GON4L: variants seen among roughly 807,000 people sequenced by gnomAD.
GON4L encodes GON-4-like protein.
Under a neutral mutation model 211.8 loss-of-function variants are expected in GON4L, and 87 were observed. The observed-to-expected ratio is 0.41, with a 90% CI of 0.35 to 0.49. The LOEUF (loss-of-function observed/expected upper bound fraction) is 0.49. Among genes scored for constraint, GON4L ranks in the 20% least tolerant of loss-of-function variants. The pLI is 0.15. For synonymous variants in GON4L, 875 were observed against 962.6 expected, an observed-to-expected ratio of 0.91 and a Z score of 1.68; for missense variants, 2,155 against 2,659.5, an observed-to-expected ratio of 0.81 and a Z score of 4.17.
chr1:155,761,180 T>A (rs1661758244), intron 23 of GON4L, among the ~76,000 whole-genome samples: 1 of 145,994 alleles, frequency 6.8e-6, no homozygotes, highest in African/African-American at 2.6e-5. Flanking sequence ...GTGTGGTTTT[T>A]TTTTTTTTTT....
At chr1:155,751,931 C>T (rs746038727) in intron 30 of GON4L, 29 bp downstream of exon 30, 1 of 1,612,620 alleles carries the variant, frequency 6.2e-7, no homozygotes. Context: ...ATGCTCTTTT[C>T]CAAACACACG....
intron 3 of GON4L, among the ~76,000 whole-genome samples, chr1:155,824,610 G>A (rs1669020234): frequency 6.6e-6 from 1 of 151,234 alleles, no homozygotes; most frequent in South Asian, 2.1e-4. Flanking sequence ...GAGGAGTGGT[G>A]GAGCGCACCT....
intron 6 of GON4L, 69 bp from the exon 7 acceptor site, chr1:155,816,331 C>A (rs1668234916): frequency 6.4e-6 from 5 of 775,364 alleles, no homozygotes; most frequent in Non-Finnish European, 1.1e-5. Context: ...TTTACTTCCT[C>A]TGTACCATCA....
intron 16 of GON4L, among the ~76,000 whole-genome samples, chr1:155,775,589 G>C (rs1293636546): frequency 6.6e-6 from 1 of 151,680 alleles, no homozygotes; most frequent in Non-Finnish European, 1.5e-5. Flanking sequence ...CGAGTAGCTG[G>C]GATTAATTAC....
At chr1:155,823,215 C>T (rs1236261870) in intron 3 of GON4L, among the ~76,000 whole-genome samples, 1 of 152,204 alleles carries the variant, frequency 6.6e-6, no homozygotes, top group Non-Finnish European at 1.5e-5. Context: ...AGGTGTGAGC[C>T]ACCGTACCTG....
intron 27 of GON4L, chr1:155,756,695 C>T (rs952140097): frequency 2.3e-5 from 9 of 386,412 alleles, no homozygotes; most frequent in East Asian, 1.1e-4. Context: ...GAGGCCGAGG[C>T]GGGTGGATCA....
intron 29 of GON4L, 81 bp downstream of exon 29, chr1:155,753,123 T>TA: frequency 9.3e-7 from 1 of 1,070,404 alleles, no homozygotes. Context: ...AGGCTATTTA[T>TA]CCAGGCTCAT....
rs566549510 is a variant in GON4L at position 155,814,407 on chromosome 1, G to A, written c.1204C>T (p.Arg402Cys). 29 of 1,612,888 alleles carry A rather than the reference G, an allele frequency of 1.8e-5. No individual in the cohort carries two copies. Among genetic ancestry groups the A allele is most frequent in the Middle Eastern group, 1.6e-4 (1 of 6,062 alleles). ...SDVESTASSP[R>C]GAKKSRLRQS... ...CTCAATCTGGATTTCTTTGCCCCAC[G>A]TGGAGATGAAGCAGTGCTTTCAACA... Residue 402 changes from arginine (R) to cysteine (C), a missense_variant, in exon 9 of 32, where the codon CGT becomes TGT. By Grantham distance (180) the Arg-to-Cys change is radical (BLOSUM62 -3). Around this residue, in one of 6 missense-constraint regions of GON4L, gnomAD observed 551 missense variants for 854.0 expected, o/e 0.65. Coordinates refer to ENST00000368331, the MANE Select transcript of GON4L (RefSeq NM_001282860.2).
At chr1:155,813,093 C>A (rs1667939982) in intron 10 of GON4L, among the ~76,000 whole-genome samples, 1 of 152,052 alleles carries the variant, frequency 6.6e-6, no homozygotes, top group Non-Finnish European at 1.5e-5. Context: ...CTATGTTCTA[C>A]ATTTTAAAAT....
At chr1:155,842,022 C>T (rs1670812872) in intron 2 of GON4L, among the ~76,000 whole-genome samples, 1 of 150,630 alleles carries the variant, frequency 6.6e-6, no homozygotes, top group South Asian at 2.1e-4. Context: ...AGCAAGACTC[C>T]GTCTCAAAAA....
chr1:155,793,548 C>T (rs990962448), intron 12 of GON4L, among the ~76,000 whole-genome samples: 1 of 152,238 alleles, frequency 6.6e-6, no homozygotes, highest in African/African-American at 2.4e-5. Context: ...TTTTCTTTCT[C>T]CCCATAGGTA....
intron 11 of GON4L, among the ~76,000 whole-genome samples, chr1:155,803,308 A>G (rs1216143589): frequency 6.7e-6 from 1 of 150,364 alleles, no homozygotes; most frequent in Non-Finnish European, 1.5e-5. Context: ...GCAGTGGCGC[A>G]ATCTCGGCTC....
chr1:155,802,081 C>T (rs964980568), intron 11 of GON4L, among the ~76,000 whole-genome samples: 1 of 151,828 alleles, frequency 6.6e-6, no homozygotes, highest in African/African-American at 2.4e-5. Flanking sequence ...TATTTTTATC[C>T]CCACATTAAT....
At chr1:155,856,216 T>C (rs1672263922) in intron 1 of GON4L, among the ~76,000 whole-genome samples, 1 of 152,028 alleles carries the variant, frequency 6.6e-6, no homozygotes. Context: ...TCTTCTTTTC[T>C]TTCTTTCTCT....
rs562326023 is a variant in GON4L at position 155,765,998 on chromosome 1, C to A, written c.3475G>T (p.Gly1159Cys). The change falls in exon 21 of 32, where the codon GGT becomes TGT. Residue 1159 changes from glycine to cysteine, a missense_variant. Physicochemically the swap from Gly to Cys is radical, Grantham distance 159 (BLOSUM62 -3). Around this residue, in one of 6 missense-constraint regions of GON4L, gnomAD observed 615 missense variants for 625.7 expected, o/e 0.98. Transcript: ENST00000368331. Reference sequence around the variant, plus strand: ...ACAGGCTGGATCATGTTACAGCCACCGCCAAGGCTCACAATCTTCACAGTG... The same window carrying A: ...ACAGGCTGGATCATGTTACAGCCACAGCCAAGGCTCACAATCTTCACAGTG... Reference protein sequence around the residue: ...ATTVKIVSLGGGCNMIQPVNA... With the variant: ...ATTVKIVSLGCGCNMIQPVNA... 2 of 1,614,036 alleles carry A rather than the reference C, an allele frequency of 1.2e-6. No homozygotes were observed. The highest frequency in any genetic ancestry group is 1.7e-6 in the Non-Finnish European group (2 of 1,180,036).
intron 10 of GON4L, among the ~76,000 whole-genome samples, chr1:155,807,821 G>T (rs1451693046): frequency 1.3e-5 from 2 of 151,074 alleles, no homozygotes; most frequent in Non-Finnish European, 2.9e-5. Flanking sequence ...TTTAGGATTA[G>T]ACTGTTAATT....
chr1:155,773,224 A>C lies in GON4L; in HGVS notation c.2351-14T>G. The stretch of plus-strand genomic sequence containing the variant: ...GAAATTCATTCGCTATAAGAAAATA[A>C]ATCTCGGATAAATCAACTTCTAGGA... On this transcript the variant is annotated splice_polypyrimidine_tract_variant and intron_variant, in intron 17 of 31. Coordinates refer to ENST00000368331, the MANE Select transcript of GON4L (RefSeq NM_001282860.2). 1 of 1,613,928 alleles carries C rather than the reference A, an allele frequency of 6.2e-7. No individual in the cohort carries two copies. The highest frequency in any genetic ancestry group is 1.1e-5 in the South Asian group (1 of 91,080).
At chr1:155,853,925 A>C (rs1672036781) in intron 1 of GON4L, 119 bp from the exon 2 acceptor site, 2 of 703,494 alleles carry the variant, frequency 2.8e-6, no homozygotes, top group South Asian at 3.6e-5. Flanking sequence ...CCAAATGCAC[A>C]ATTTCCCTTT....
intron 18 of GON4L, 136 bp from the exon 19 acceptor site, chr1:155,771,353 G>C (rs922851727): frequency 1.7e-6 from 2 of 1,168,442 alleles, no homozygotes; most frequent in African/African-American, 1.5e-5. Flanking sequence ...CCAGGCTGGA[G>C]TGCAGTGGCA....
Sources: gnomAD v4.1 joint callset for allele counts (sites outside exome capture counted in the v4.1 genomes callset) on GRCh38, gnomAD v4.1.1 for gene constraint, gnomAD v4.1.1 regional missense constraint, MANE v1.5 for transcripts, NCBI Gene and HGNC (gene_info 2026-07-23, HGNC 2026-07-21) for gene names.